Variants in DNAJC17 observed in about 807,000 individuals in gnomAD.
DNAJC17 encodes DnaJ heat shock protein family (Hsp40) member C17.
Under a neutral mutation model 48.1 loss-of-function variants are expected in DNAJC17, and 35 were observed. That is an observed-to-expected ratio of 0.73 (90% CI 0.56 to 0.96). DNAJC17 has a LOEUF of 0.96. Among genes scored for constraint, DNAJC17 ranks in the 50% least tolerant of loss-of-function variants. The pLI, the probability that DNAJC17 is intolerant of heterozygous loss-of-function variation, is 0.00. For missense variants in DNAJC17, 355 were observed against 377.1 expected, an observed-to-expected ratio of 0.94 and a Z score of 0.48; for synonymous variants, 117 against 142.7, an observed-to-expected ratio of 0.82 and a Z score of 1.28.
chr15:40,806,697 T>C (rs1217758057), intron 1 of DNAJC17, among the ~76,000 whole-genome samples: 2 of 152,090 alleles, frequency 1.3e-5, no homozygotes, highest in African/African-American at 4.8e-5. Context: ...ATAAAAGAAA[T>C]CCTAAATCCA....
chr15:40,770,723 G>T lies in DNAJC17; in HGVS notation c.793-2661C>A. 1 of 1,545,928 alleles carries T rather than the reference G, an allele frequency of 6.5e-7. No homozygotes were observed. On this transcript the variant is annotated intron_variant, in intron 10 of 10. Transcript: ENST00000220496. The surrounding 1 kb of genome is among the most constrained non-coding windows in gnomAD (Gnocchi z 5.0). ...GGGACGAGCAGCCCCGGGCCACCCT[G>T]CTGGCCCCACCCAAGCCCCCACGCC... is the stretch of plus-strand genomic sequence containing the variant.
At position 40,776,587 on chromosome 15, in the gene DNAJC17, A is replaced by C. The variant is rs1423713302; in HGVS notation, c.336T>G (p.Ser112Arg). The C allele has an allele frequency of 6.2e-7, 1 of 1,610,778 alleles. No individual in the cohort carries two copies. The highest frequency in any genetic ancestry group is 8.5e-7 in the Non-Finnish European group (1 of 1,179,168). Residue 112 changes from serine to arginine, a missense_variant, in exon 5 of 11, where the codon AGT (serine) becomes AGG (arginine). By Grantham distance (110) the Ser-to-Arg change is moderately radical. Coordinates refer to ENST00000220496, the MANE Select transcript of DNAJC17 (RefSeq NM_018163.3). ...TGCTCCGGCTCTCCTCTTCCTCCTC[A>C]CTCTCCTGGGCCTGGGCCTGCCGCT... is the stretch of plus-strand genomic sequence containing the variant. ...ARERQAQAQE[S>R]EEEEESRSTR...
Position 40,773,752 on chromosome 15 carries a change from C to T in DNAJC17, c.767G>A (p.Gly256Asp). ...CTTTGACAGTCCTGAGTGGCTGCGG[C>T]CCACGGCATCCTGGGGCTGTCCCTC... The part of the protein sequence containing the change: ...WLEGQPQDAV[G>D]RSHSGLSKGS... The change falls in exon 10 of 11, where the codon GGC becomes GAC. Residue 256 changes from glycine to aspartate, a missense_variant. Around this residue, in one of 3 missense-constraint regions of DNAJC17, gnomAD observed 88 missense variants for 67.7 expected, o/e 1.30. Coordinates refer to ENST00000220496, the MANE Select transcript of DNAJC17 (RefSeq NM_018163.3). 1 of 1,613,768 alleles carries T rather than the reference C, an allele frequency of 6.2e-7. No homozygotes were observed.
At chr15:40,802,872 G>A (rs953476877) in intron 1 of DNAJC17, among the ~76,000 whole-genome samples, 1 of 152,158 alleles carries the variant, frequency 6.6e-6, no homozygotes, top group East Asian at 1.9e-4. Context: ...CAGAGGCCAA[G>A]GCGGGAGGAC....
At chr15:40,774,645 G>C (rs1356936092) in intron 8 of DNAJC17, among the ~76,000 whole-genome samples, 1 of 152,266 alleles carries the variant, frequency 6.6e-6, no homozygotes, top group Non-Finnish European at 1.5e-5. Context: ...GCAAAGGAAT[G>C]ATGAGCAAAG....
At position 40,769,455 on chromosome 15, in the gene DNAJC17, T is replaced by C. The variant is rs1889057821; in HGVS notation, c.793-1393A>G. On this transcript the variant is annotated intron_variant, in intron 10 of 10. Coordinates refer to ENST00000220496, the MANE Select transcript of DNAJC17 (RefSeq NM_018163.3). The surrounding 1 kb of genome is among the most constrained non-coding windows in gnomAD (Gnocchi z 4.2). ...GCCACATCTCCCATCCCCAGGTTAA[T>C]GCTGCTCTGCCAAGAAAACTTGGAG... Among the ~76,000 whole-genome samples the C allele has an allele frequency of 6.6e-6, 1 of 152,238 alleles. No homozygotes were observed. Among genetic ancestry groups the C allele is most frequent in the South Asian group, 2.1e-4 (1 of 4,830 alleles).
intron 1 of DNAJC17, among the ~76,000 whole-genome samples, chr15:40,784,138 C>T (rs1889578722): frequency 6.6e-6 from 1 of 151,910 alleles, no homozygotes; most frequent in Non-Finnish European, 1.5e-5. Context: ...GAGGCAGGAA[C>T]CTGGGAGGCG....
In DNAJC17 at chr15:40,768,391, T is replaced by G. The variant is rs1011700444; in HGVS notation, c.793-329A>C. Reference sequence around the variant, plus strand: ...GTCTCCCTTCATTTCCTCTGGGCCCTTTACCCTTCACCCCTTTCCCTCTAC... The same window carrying G: ...GTCTCCCTTCATTTCCTCTGGGCCCGTTACCCTTCACCCCTTTCCCTCTAC... On this transcript the variant is annotated intron_variant, in intron 10 of 10. Transcript: ENST00000220496. 2.4e-4 allele frequency among the ~76,000 whole-genome samples: 37 copies of G among 152,124 alleles called. 1 individual carries two copies. The highest frequency in any genetic ancestry group is 2.6e-4 in the Admixed American group (4 of 15,272).
chr15:40,806,707 AG>A lies in DNAJC17; in HGVS notation c.78+661del, dbSNP rs1276594224. ...GGGAGATAAAAGAAATCCTAAATCC[AG>A]CTTGATCAGTGTTTCACTCCCTGGC... On this transcript the variant is annotated intron_variant, in intron 1 of 10. Transcript: ENST00000220496. 7.7e-4 allele frequency among the ~76,000 whole-genome samples: 117 copies of A among 152,256 alleles called. 1 individual carries two copies. Among genetic ancestry groups the A allele is most frequent in the Non-Finnish European group, 1.8e-4 (12 of 68,004 alleles).
At chr15:40,772,302 C>G (rs897147413) in intron 10 of DNAJC17, 1 of 167,146 alleles carries the variant, frequency 6.0e-6, no homozygotes, top group African/African-American at 2.4e-5. Flanking sequence ...GGTGGCCCCC[C>G]GGGACTCGCT....
intron 1 of DNAJC17, among the ~76,000 whole-genome samples, chr15:40,780,821 TAAAATAAAATAAAATAA>T (rs975513822): frequency 6.9e-6 from 1 of 144,804 alleles, no homozygotes; most frequent in African/African-American, 2.6e-5. Context: ...TCAAATAAAA[TAAAATAAAATAAAATAA>T]AAAATAAAAT....
At chr15:40,790,832 T>A (rs368758142) in intron 1 of DNAJC17, among the ~76,000 whole-genome samples, 1 of 152,224 alleles carries the variant, frequency 6.6e-6, no homozygotes, top group East Asian at 1.9e-4. Context: ...CACAAATGAA[T>A]CATTCCTTTT....
At chr15:40,803,216 T>C (rs1434732216) in intron 1 of DNAJC17, among the ~76,000 whole-genome samples, 1 of 152,116 alleles carries the variant, frequency 6.6e-6, no homozygotes, top group East Asian at 1.9e-4. Context: ...AGCCTTTCTG[T>C]AGAGGGCAAA....
rs772132107 is a variant in DNAJC17 at position 40,775,152 on chromosome 15, T to C, written c.523-44A>G. 9 of 1,597,538 alleles carry C rather than the reference T, an allele frequency of 5.6e-6. No individual in the cohort carries two copies. The South Asian group carries it at 8.8e-5, about 16-fold the overall frequency. ...GAAACACTGATTCTTGGCTGAACAG[T>C]ACCTCACCCCACGACTGAGCTTGAC... On this transcript the variant is annotated intron_variant, in intron 7 of 10. Transcript: ENST00000220496.
Position 40,773,848 on chromosome 15 carries a change from C to T in DNAJC17, c.682-11G>A. 3 of 1,611,188 alleles carry T rather than the reference C, an allele frequency of 1.9e-6. No homozygotes were observed. The highest frequency in any genetic ancestry group is 1.7e-6 in the Non-Finnish European group (2 of 1,178,008). On this transcript the variant is annotated splice_polypyrimidine_tract_variant and intron_variant, in intron 9 of 10. Transcript: ENST00000220496. The stretch of plus-strand genomic sequence containing the variant: ...CTGGACAGCCAGCTCCTGCCAAACA[C>T]AGCATCTAGTCCTGTCCCATCCGTT...
At chr15:40,775,733 G>C in intron 6 of DNAJC17, 137 bp from the exon 7 acceptor site, 2 of 850,992 alleles carry the variant, frequency 2.4e-6, no homozygotes, top group Non-Finnish European at 3.7e-6. Flanking sequence ...GCTCTGGTGA[G>C]GGCCTGGTGG....
chr15:40,805,754 C>T (rs1890194723), intron 1 of DNAJC17, among the ~76,000 whole-genome samples: 1 of 151,504 alleles, frequency 6.6e-6, no homozygotes, highest in East Asian at 1.9e-4. Flanking sequence ...TGGCGTGAAC[C>T]CGAGAGGCGG....
chr15:40,799,224 C>CA (rs34609538), intron 1 of DNAJC17, among the ~76,000 whole-genome samples: 5,735 of 43,062 alleles, frequency 0.13, 513 homozygotes, highest in African/African-American at 0.31. Context: ...GACTCCATCT[C>CA]AAAAAAAAAA....
intron 9 of DNAJC17, 127 bp from the exon 10 acceptor site, chr15:40,773,964 C>A: frequency 1.2e-6 from 1 of 823,340 alleles, no homozygotes. Context: ...CCTCAGCAGC[C>A]TTCAAGTGAT....
Sources: gnomAD v4.1 joint callset for allele counts (sites outside exome capture counted in the v4.1 genomes callset) on GRCh38, gnomAD v4.1.1 for gene constraint, gnomAD v4.1.1 regional missense constraint, Gnocchi (gnomAD v3.1) non-coding constraint, MANE v1.5 for transcripts, NCBI Gene and HGNC (gene_info 2026-07-23, HGNC 2026-07-21) for gene names.